Variants in NCAM2 observed in about 807,000 individuals in gnomAD.
NCAM2 encodes N-CAM-2.
NCAM2 carries 30 observed loss-of-function variants against 98.1 expected under a neutral mutation model. That is an observed-to-expected ratio of 0.31 (90% CI 0.23 to 0.41). The LOEUF is 0.41. Ranked by LOEUF, NCAM2 falls within the 10% of genes least tolerant of loss-of-function variation. The probability of loss-of-function intolerance (pLI) is 1.00; values close to 1 mark genes in which losing one functional copy is unlikely to be tolerated. For synonymous variants in NCAM2, 368 were observed against 342.4 expected, an observed-to-expected ratio of 1.07 and a Z score of -0.83; for missense variants, 867 against 1,005.8, an observed-to-expected ratio of 0.86 and a Z score of 1.87.
chr21:21,356,987 CAATAAATAAATAAATA>C (rs56359248), intron 8 of NCAM2, among the ~76,000 whole-genome samples: 3 of 144,960 alleles, frequency 2.1e-5, no homozygotes, highest in Non-Finnish European at 4.5e-5. Context: ...GAAACTCCAT[CAATAAATAAATAAATA>C]AATAAATAAA....
At chr21:21,096,615 G>C (rs1047414280) in intron 1 of NCAM2, among the ~76,000 whole-genome samples, 1 of 151,582 alleles carries the variant, frequency 6.6e-6, no homozygotes, top group African/African-American at 2.4e-5. Flanking sequence ...TTTATTATTG[G>C]TACCACAAGC....
At chr21:21,298,615 A>T (rs545740807) in intron 5 of NCAM2, among the ~76,000 whole-genome samples, 1 of 151,606 alleles carries the variant, frequency 6.6e-6, no homozygotes, top group African/African-American at 2.4e-5. Context: ...AGATAGATAG[A>T]TAGATAGATA....
intron 16 of NCAM2, among the ~76,000 whole-genome samples, chr21:21,513,820 AGGATCTTTCTC>A (rs1848706982): frequency 6.6e-6 from 1 of 152,140 alleles, no homozygotes; most frequent in South Asian, 2.1e-4. Flanking sequence ...CGATTTTATT[AGGATCTTTCTC>A]TCTAGGTCAA....
intron 16 of NCAM2, among the ~76,000 whole-genome samples, chr21:21,522,919 TG>T (rs1422664008): frequency 1.3e-5 from 2 of 152,146 alleles, no homozygotes; most frequent in African/African-American, 4.8e-5. Context: ...CCACTGTGCC[TG>T]GCCCTGAACA....
intron 1 of NCAM2, among the ~76,000 whole-genome samples, chr21:21,037,531 T>C (rs1270233315): frequency 1.3e-5 from 2 of 152,216 alleles, no homozygotes; most frequent in Non-Finnish European, 2.9e-5. Context: ...TTCAGTTTGA[T>C]ATAATTCTTA....
chr21:21,478,001 A>G (rs759790019), intron 15 of NCAM2, among the ~76,000 whole-genome samples: 6 of 152,198 alleles, frequency 3.9e-5, no homozygotes, highest in Non-Finnish European at 7.4e-5. Flanking sequence ...ATGGGAGAAC[A>G]CTGTAAATCA....
intron 1 of NCAM2, among the ~76,000 whole-genome samples, chr21:21,271,547 C>A (rs2072499578): frequency 6.6e-6 from 1 of 152,114 alleles, no homozygotes; most frequent in African/African-American, 2.4e-5. Flanking sequence ...TAATGCTTAT[C>A]AAGCTATTTC....
At chr21:21,189,504 T>C (rs181483920) in intron 1 of NCAM2, among the ~76,000 whole-genome samples, 5 of 152,288 alleles carry the variant, frequency 3.3e-5, no homozygotes, top group African/African-American at 1.2e-4. Context: ...GGCAGGAGGA[T>C]CCCTTGAACT....
intron 1 of NCAM2, among the ~76,000 whole-genome samples, chr21:21,212,133 T>C (rs957407709): frequency 6.6e-6 from 1 of 152,200 alleles, no homozygotes; most frequent in Non-Finnish European, 1.5e-5. Flanking sequence ...TTATTTGTAA[T>C]AGCCAAAAAC....
intron 15 of NCAM2, among the ~76,000 whole-genome samples, chr21:21,495,914 CA>C (rs1987196320): frequency 6.6e-6 from 1 of 151,094 alleles, no homozygotes; most frequent in South Asian, 2.1e-4. Flanking sequence ...AAGAGGTAAA[CA>C]ATAAATTACA....
intron 1 of NCAM2, among the ~76,000 whole-genome samples, chr21:21,194,494 T>C (rs1345726863): frequency 6.6e-6 from 1 of 152,154 alleles, no homozygotes; most frequent in South Asian, 2.1e-4. Flanking sequence ...CAAGGTAGTT[T>C]ACACTAGTAA....
intron 15 of NCAM2, among the ~76,000 whole-genome samples, chr21:21,504,140 A>G (rs894561983): frequency 6.6e-6 from 1 of 151,918 alleles, no homozygotes; most frequent in African/African-American, 2.4e-5. Context: ...TCGTTGGTGA[A>G]TATCCAAGAT....
chr21:21,186,174 A>T (rs978545060), intron 1 of NCAM2, among the ~76,000 whole-genome samples: 1 of 152,204 alleles, frequency 6.6e-6, no homozygotes, highest in African/African-American at 2.4e-5. Context: ...GAAGTGAATT[A>T]TGTTAAAGCT....
In NCAM2 at chr21:21,058,026, G is replaced by T. The variant is rs948801653; in HGVS notation, c.55+59408G>T. ...TGACTTCTATATGATTGAACATAAT[G>T]CTTTGTCCTTAATCAACAGCCATCT... On this transcript the variant is annotated intron_variant, in intron 1 of 17. Transcript: ENST00000400546. Among the ~76,000 whole-genome samples the T allele has an allele frequency of 2.8e-4, 43 of 151,800 alleles. 1 individual carries two copies. Among genetic ancestry groups the T allele is most frequent in the African/African-American group, 9.9e-4 (41 of 41,402 alleles).
intron 16 of NCAM2, among the ~76,000 whole-genome samples, chr21:21,528,044 A>G (rs993631898): frequency 6.6e-6 from 1 of 152,212 alleles, no homozygotes; most frequent in African/African-American, 2.4e-5. Context: ...CCACGAAGAG[A>G]CATGGAGGAA....
intron 4 of NCAM2, among the ~76,000 whole-genome samples, chr21:21,287,982 G>A (rs767396618): frequency 6.6e-6 from 1 of 151,766 alleles, no homozygotes. Flanking sequence ...TGACATCTAT[G>A]GGTGATTTGT....
chr21:21,506,264 G>A lies in NCAM2; in HGVS notation c.2078-2587G>A, dbSNP rs115092674. Among the ~76,000 whole-genome samples, 1,463 of 152,102 alleles carry A rather than the reference G, an allele frequency of 9.6e-3. 30 individuals carry two copies. Among genetic ancestry groups the A allele is most frequent in the African/African-American group, 0.034 (1,390 of 41,490 alleles). On this transcript the variant is annotated intron_variant, in intron 15 of 17. Transcript: ENST00000400546. ...TTCCAATTTTTTTTCCTGAGCTTTA[G>A]TTGTTGAGTAATGTGCAACATATCT...
chr21:21,037,385 T>C (rs1395786990), intron 1 of NCAM2, among the ~76,000 whole-genome samples: 1 of 152,248 alleles, frequency 6.6e-6, no homozygotes, highest in East Asian at 1.9e-4. Flanking sequence ...TGTTATGTTA[T>C]ATGTTGTTAT....
intron 12 of NCAM2, among the ~76,000 whole-genome samples, chr21:21,437,014 A>G (rs1215561509): frequency 1.3e-5 from 2 of 151,860 alleles, no homozygotes; most frequent in African/African-American, 2.4e-5. Flanking sequence ...AGCTCAGGCA[A>G]TCTACCTGCC....
Sources: allele counts gnomAD v4.1 joint callset (sites outside exome capture counted in the v4.1 genomes callset), GRCh38; gene constraint gnomAD v4.1.1; transcripts MANE v1.5; gene names NCBI Gene and HGNC (gene_info 2026-07-23, HGNC 2026-07-21).